IL1RAPL2: variants seen among roughly 807,000 people sequenced by gnomAD.
IL1RAPL2 encodes the protein X-linked interleukin-1 receptor accessory protein-like 2.
Under a neutral mutation model 44.1 loss-of-function variants are expected in IL1RAPL2, and 3 were observed. That is an observed-to-expected ratio of 0.07 (90% CI 0.03 to 0.18). The LOEUF is 0.18. Ranked by LOEUF, IL1RAPL2 falls within the 10% of genes least tolerant of loss-of-function variation. The pLI is 1.00. For missense variants in IL1RAPL2, 391 were observed against 496.4 expected, an observed-to-expected ratio of 0.79 and a Z score of 2.02; for synonymous variants, 181 against 178.8, an observed-to-expected ratio of 1.01 and a Z score of -0.10.
At chrX:105,590,771 T>C (rs189301882) in intron 6 of IL1RAPL2, among the ~76,000 whole-genome samples, 14 of 109,875 alleles carry the variant, frequency 1.3e-4, no homozygotes, top group African/African-American at 3.6e-4. Flanking sequence ...TTGTTGAAAA[T>C]GTTTGCATCT....
intron 1 of IL1RAPL2, among the ~76,000 whole-genome samples, chrX:104,603,986 C>A (rs1928943767): frequency 9.0e-6 from 1 of 111,168 alleles, no homozygotes; most frequent in African/African-American, 3.3e-5. Flanking sequence ...AGAAGAGCAA[C>A]CCCAAGACAC....
intron 6 of IL1RAPL2, among the ~76,000 whole-genome samples, chrX:105,624,748 A>G (rs1433376257): frequency 9.0e-6 from 1 of 111,626 alleles, no homozygotes; most frequent in Admixed American, 9.6e-5. Flanking sequence ...CTGACATGGC[A>G]TGATTTCATA....
intron 2 of IL1RAPL2, among the ~76,000 whole-genome samples, chrX:104,715,417 CAAAA>C (rs57271887): frequency 4.1e-5 from 3 of 72,387 alleles, no homozygotes; most frequent in Non-Finnish European, 7.8e-5. Context: ...TCTATTTTTT[CAAAA>C]AAAAAAAAAA....
intron 2 of IL1RAPL2, among the ~76,000 whole-genome samples, chrX:104,960,527 G>A (rs952281945): frequency 2.7e-5 from 3 of 111,313 alleles, no homozygotes; most frequent in African/African-American, 6.5e-5. Context: ...TAGCACCCAG[G>A]AGAGTATGGG....
intron 1 of IL1RAPL2, among the ~76,000 whole-genome samples, chrX:104,577,799 G>T (rs922167960): frequency 9.0e-6 from 1 of 110,907 alleles, no homozygotes; most frequent in African/African-American, 3.3e-5. Flanking sequence ...ATACAGAGTG[G>T]GGTGGCAGTC....
intron 4 of IL1RAPL2, among the ~76,000 whole-genome samples, chrX:105,261,816 G>A (rs1393402260): frequency 9.0e-6 from 1 of 111,321 alleles, no homozygotes; most frequent in Non-Finnish European, 1.9e-5. Flanking sequence ...CCTAATTGAT[G>A]TGTTGGTAAG....
At chrX:105,086,745 A>C (rs2032485049) in intron 2 of IL1RAPL2, among the ~76,000 whole-genome samples, 1 of 109,436 alleles carries the variant, frequency 9.1e-6, no homozygotes, top group Non-Finnish European at 1.9e-5. Context: ...ATCAGATTGT[A>C]CCCCATAAAT....
intron 5 of IL1RAPL2, among the ~76,000 whole-genome samples, chrX:105,293,131 AAAAAG>A (rs1313898721): frequency 9.5e-6 from 1 of 105,441 alleles, no homozygotes; most frequent in East Asian, 3.0e-4. Context: ...AAAAAAAAAA[AAAAAG>A]AGTGAAAGCA....
intron 5 of IL1RAPL2, among the ~76,000 whole-genome samples, chrX:105,310,601 C>T (rs1314577897): frequency 9.0e-6 from 1 of 111,403 alleles, no homozygotes; most frequent in African/African-American, 3.3e-5. Flanking sequence ...TTGTATTATA[C>T]AATTTTTTCC....
rs782088729 is a variant in IL1RAPL2 at position 105,219,268 on chromosome X, G to A, written c.357-14550G>A. 2.2e-5 allele frequency: 27 copies of A among 1,208,883 alleles called. No homozygotes were observed. In the East Asian group the frequency reaches 7.7e-4, roughly 35 times the overall value. On this transcript the variant is annotated intron_variant, in intron 3 of 10. Transcript: ENST00000372582. ...TATAGTGGGTATGTCTGAGAAGGAG[G>A]AAAAAGGGCTTGAGTATGAGTATGA... is the stretch of plus-strand genomic sequence containing the variant.
Position 104,951,909 on chromosome X carries a change from C to T in IL1RAPL2, c.83-243566C>T, listed in dbSNP as rs143405197. Among the ~76,000 whole-genome samples the T allele has an allele frequency of 9.8e-3, 1,096 of 112,039 alleles. 14 individuals are homozygous for T. Among genetic ancestry groups the T allele is most frequent in the African/African-American group, 0.033 (1,029 of 30,849 alleles). On this transcript the variant is annotated intron_variant, in intron 2 of 10. Coordinates refer to ENST00000372582, the MANE Select transcript of IL1RAPL2 (RefSeq NM_017416.2). Reference sequence around the variant, plus strand: ...TGGTTATACAAAGATTTAAAAAAGACGTTATCTGGCATTGATCTTTGAGTG... The same window carrying T: ...TGGTTATACAAAGATTTAAAAAAGATGTTATCTGGCATTGATCTTTGAGTG...
At chrX:104,701,249 T>G (rs751500436) in intron 2 of IL1RAPL2, among the ~76,000 whole-genome samples, 14 of 111,935 alleles carry the variant, frequency 1.3e-4, no homozygotes, top group Non-Finnish European at 2.4e-4. Context: ...TATTTAATTT[T>G]CACACAAATG....
chrX:105,385,316 G>T (rs2035468398), intron 5 of IL1RAPL2, among the ~76,000 whole-genome samples: 1 of 110,699 alleles, frequency 9.0e-6, no homozygotes, highest in Non-Finnish European at 1.9e-5. Context: ...AACCTTATAA[G>T]ATAGGCACTG....
chrX:105,088,890 T>C, intron 2 of IL1RAPL2, among the ~76,000 whole-genome samples: 1 of 111,659 alleles, frequency 9.0e-6, no homozygotes, highest in South Asian at 3.7e-4. Flanking sequence ...ACATTAATAA[T>C]GAAAATAGCT....
chrX:104,660,396 A>G (rs1402183934), intron 2 of IL1RAPL2, among the ~76,000 whole-genome samples: 2 of 109,818 alleles, frequency 1.8e-5, no homozygotes, highest in Non-Finnish European at 3.8e-5. Flanking sequence ...AAAGGAAAAA[A>G]AGAAACGAGG....
chrX:104,589,093 C>T (rs774601719), intron 1 of IL1RAPL2, among the ~76,000 whole-genome samples: 7 of 111,327 alleles, frequency 6.3e-5, no homozygotes, highest in African/African-American at 9.8e-5. Flanking sequence ...CAGACTTTGG[C>T]GATGACCTTG....
chrX:105,018,188 C>T (rs928294971), intron 2 of IL1RAPL2, among the ~76,000 whole-genome samples: 7 of 111,638 alleles, frequency 6.3e-5, no homozygotes. Flanking sequence ...TTTCAGAATA[C>T]TTTTAAATGT....
At chrX:104,670,577 C>G (rs1320533037) in intron 2 of IL1RAPL2, among the ~76,000 whole-genome samples, 7 of 44,515 alleles carry the variant, frequency 1.6e-4, no homozygotes, top group African/African-American at 8.5e-4. Flanking sequence ...TCACACCACT[C>G]CAGTCATGTT....
intron 2 of IL1RAPL2, among the ~76,000 whole-genome samples, chrX:104,893,309 A>G (rs758227413): frequency 2.1e-4 from 23 of 111,618 alleles, no homozygotes; most frequent in African/African-American, 7.2e-4. Context: ...TATTAGGTCC[A>G]CTTGGTGCAG....
Sources: allele counts gnomAD v4.1 joint callset (sites outside exome capture counted in the v4.1 genomes callset), GRCh38; gene constraint gnomAD v4.1.1; transcripts MANE v1.5; gene names NCBI Gene and HGNC (gene_info 2026-07-23, HGNC 2026-07-21).